Variants in CACNA2D3 observed in about 807,000 individuals in gnomAD.
CACNA2D3 encodes voltage-dependent calcium channel subunit alpha-2/delta-3.
CACNA2D3 carries 60 observed loss-of-function variants against 160.6 expected under a neutral mutation model. The ratio of observed to expected loss-of-function variants is 0.37; its 90% CI spans 0.30 to 0.46. The LOEUF (loss-of-function observed/expected upper bound fraction) is 0.46. Among genes scored for constraint, CACNA2D3 ranks in the 20% least tolerant of loss-of-function variants. The pLI is 1.00. For missense variants in CACNA2D3, 1,205 were observed against 1,365.0 expected (o/e 0.88, Z 1.85); for synonymous variants, 558 against 492.9 (o/e 1.13, Z -1.75).
intron 31 of CACNA2D3, among the ~76,000 whole-genome samples, chr3:54,999,430 A>G (rs1166495301): frequency 6.6e-6 from 1 of 152,194 alleles, no homozygotes; most frequent in Non-Finnish European, 1.5e-5. Flanking sequence ...AACAAAGAAG[A>G]CATATTTTTA....
chr3:54,879,652 C>G (rs986544725), intron 20 of CACNA2D3, among the ~76,000 whole-genome samples: 1 of 152,204 alleles, frequency 6.6e-6, no homozygotes, highest in Non-Finnish European at 1.5e-5. Context: ...CATTGTCAAG[C>G]AAATATGCTT....
intron 2 of CACNA2D3, among the ~76,000 whole-genome samples, chr3:54,263,050 C>G (rs987575214): frequency 6.6e-6 from 1 of 152,162 alleles, no homozygotes; most frequent in Non-Finnish European, 1.5e-5. Flanking sequence ...TGTTATACTT[C>G]CACATGTGTG....
intron 3 of CACNA2D3, among the ~76,000 whole-genome samples, chr3:54,330,612 A>G (rs1704226732): frequency 1.3e-5 from 2 of 152,140 alleles, no homozygotes; most frequent in South Asian, 4.1e-4. Context: ...GACTCTTATG[A>G]CTTTTAACCA....
At chr3:54,124,852 G>A (rs189033879) in intron 2 of CACNA2D3, among the ~76,000 whole-genome samples, 18 of 152,286 alleles carry the variant, frequency 1.2e-4, no homozygotes, top group African/African-American at 1.7e-4. Flanking sequence ...AAACAGTTGA[G>A]GCTACGAAAT....
intron 13 of CACNA2D3, among the ~76,000 whole-genome samples, chr3:54,790,657 T>G (rs995622621): frequency 6.6e-6 from 1 of 152,140 alleles, no homozygotes; most frequent in African/African-American, 2.4e-5. Flanking sequence ...ACAGCTAGAA[T>G]AGCAGCAGAA....
At chr3:54,593,625 C>A (rs553760392) in intron 9 of CACNA2D3, among the ~76,000 whole-genome samples, 1 of 152,126 alleles carries the variant, frequency 6.6e-6, no homozygotes, top group African/African-American at 2.4e-5. Context: ...TTAAAAGAAA[C>A]TATTTTTGTG....
intron 9 of CACNA2D3, among the ~76,000 whole-genome samples, chr3:54,588,631 A>C (rs1702806043): frequency 6.6e-6 from 1 of 152,132 alleles, no homozygotes; most frequent in Non-Finnish European, 1.5e-5. Flanking sequence ...CAACACAAAA[A>C]CCATCCTATT....
Position 54,885,606 on chromosome 3 carries a change from T to C in CACNA2D3, c.2056+20T>C. 6.3e-7 allele frequency: 1 copy of C among 1,585,160 alleles called. No homozygotes were observed. Among genetic ancestry groups the C allele is most frequent in the Non-Finnish European group, 8.6e-7 (1 of 1,156,456 alleles). On this transcript the variant is annotated intron_variant, in intron 23 of 37. Coordinates refer to ENST00000474759, the MANE Select transcript of CACNA2D3 (RefSeq NM_018398.3). ...TCCAGTGTGAGTATGCTTTCAAAAG[T>C]GTGCTGTGCCTTCAGGGGTGATGGT...
intron 2 of CACNA2D3, among the ~76,000 whole-genome samples, chr3:54,283,846 T>C (rs916621982): frequency 3.3e-5 from 5 of 152,086 alleles, no homozygotes; most frequent in Admixed American, 3.3e-4. Context: ...GTGAATCACT[T>C]GAGGTCAGGA....
chr3:54,805,241 C>A (rs1414975006), intron 13 of CACNA2D3, among the ~76,000 whole-genome samples: 1 of 152,062 alleles, frequency 6.6e-6, no homozygotes, highest in African/African-American at 2.4e-5. Flanking sequence ...AAAAACCCTT[C>A]AAAAAATTAA....
chr3:54,543,948 A>G (rs1702022418), intron 5 of CACNA2D3, among the ~76,000 whole-genome samples: 1 of 152,198 alleles, frequency 6.6e-6, no homozygotes, highest in African/African-American at 2.4e-5. Flanking sequence ...GTCTGGAGAA[A>G]GTTAAGGACC....
At chr3:54,985,903 C>G (rs1356659956) in intron 30 of CACNA2D3, among the ~76,000 whole-genome samples, 1 of 152,192 alleles carries the variant, frequency 6.6e-6, no homozygotes, top group Non-Finnish European at 1.5e-5. Flanking sequence ...CATTCCCAGT[C>G]TCCTCTGATG....
intron 2 of CACNA2D3, among the ~76,000 whole-genome samples, chr3:54,189,913 C>T (rs1195787020): frequency 6.6e-6 from 1 of 152,182 alleles, no homozygotes; most frequent in Non-Finnish European, 1.5e-5. Context: ...GCATCACCAC[C>T]CATTCTCATA....
At chr3:54,418,594 G>A (rs1699793184) in intron 4 of CACNA2D3, among the ~76,000 whole-genome samples, 1 of 152,188 alleles carries the variant, frequency 6.6e-6, no homozygotes, top group African/African-American at 2.4e-5. Flanking sequence ...TCTGGATGAG[G>A]TAGATATTCA....
intron 5 of CACNA2D3, among the ~76,000 whole-genome samples, chr3:54,519,338 G>A (rs1701608551): frequency 6.6e-6 from 1 of 152,152 alleles, no homozygotes; most frequent in South Asian, 2.1e-4. Flanking sequence ...GAGTAGGCCC[G>A]AACTGCCTTC....
intron 9 of CACNA2D3, among the ~76,000 whole-genome samples, chr3:54,605,676 G>A (rs1698592658): frequency 6.6e-6 from 1 of 152,086 alleles, no homozygotes; most frequent in South Asian, 2.1e-4. Flanking sequence ...TAGTATGTAA[G>A]TTCTATGAGG....
intron 27 of CACNA2D3, among the ~76,000 whole-genome samples, chr3:54,915,263 A>G (rs1240267283): frequency 6.6e-6 from 1 of 152,246 alleles, no homozygotes; most frequent in African/African-American, 2.4e-5. Flanking sequence ...TCTCTATGGC[A>G]GAGTACATTC....
chr3:54,538,410 T>A (rs1229917626), intron 5 of CACNA2D3, among the ~76,000 whole-genome samples: 1 of 152,182 alleles, frequency 6.6e-6, no homozygotes, highest in African/African-American at 2.4e-5. Flanking sequence ...CCAGCGTCCC[T>A]TGGGGGAGTC....
At chr3:55,005,042 G>A (rs998107392) in intron 32 of CACNA2D3, among the ~76,000 whole-genome samples, 10 of 151,660 alleles carry the variant, frequency 6.6e-5, no homozygotes, top group South Asian at 2.1e-4. Context: ...TTGGGAGGCC[G>A]AGGTGGCTGG....
Sources: allele counts gnomAD v4.1 joint callset (sites outside exome capture counted in the v4.1 genomes callset), GRCh38; gene constraint gnomAD v4.1.1; transcripts MANE v1.5; gene names NCBI Gene and HGNC (gene_info 2026-07-23, HGNC 2026-07-21).